ACKR3: variants seen among roughly 807,000 people sequenced by gnomAD.
The protein encoded by ACKR3 is C-X-C chemokine receptor type 7.
Under a neutral mutation model 22.4 loss-of-function variants are expected in ACKR3, and 6 were observed. The ratio of observed to expected loss-of-function variants is 0.27; its 90% CI spans 0.15 to 0.53. The LOEUF is 0.53. Ranked by LOEUF, ACKR3 falls within the 20% of genes least tolerant of loss-of-function variation. ACKR3 has a pLI of 0.96. For missense variants in ACKR3, 396 were observed against 475.2 expected (o/e 0.83, Z 1.55); for synonymous variants, 209 against 205.2 (o/e 1.02, Z -0.16).
chr2:236,565,307 C>G (rs1669773), upstream of ACKR3, among the ~76,000 whole-genome samples: 9,601 of 152,168 alleles, frequency 0.063, 382 homozygotes, highest in Non-Finnish European at 0.1. Flanking sequence ...TTAAAATATG[C>G]GATTCCAGCG....
At chr2:236,548,229 A>AT in the ACKR3 span, among the ~76,000 whole-genome samples, 7 of 151,758 alleles carry the variant, frequency 4.6e-5, no homozygotes, top group African/African-American at 1.7e-4. This position sits in a 1 kb window ranked among gnomAD's most constrained non-coding sequence, Gnocchi z 4.3. Context: ...TTATGATTTA[A>AT]TTTTTTTTCT....
intron 1 of ACKR3, among the ~76,000 whole-genome samples, chr2:236,579,634 G>A (rs1691479936): frequency 6.6e-6 from 1 of 152,190 alleles, no homozygotes; most frequent in East Asian, 1.9e-4. Context: ...GGTGATTTTT[G>A]TGTTTTGAGT....
the ACKR3 span, among the ~76,000 whole-genome samples, chr2:236,555,156 G>A: frequency 6.6e-6 from 1 of 151,874 alleles, no homozygotes; most frequent in Admixed American, 6.6e-5. Context: ...GAAATAATGA[G>A]GTCTCACCTG....
At chr2:236,573,893 C>G (rs1234768640) in intron 1 of ACKR3, among the ~76,000 whole-genome samples, 1 of 152,232 alleles carries the variant, frequency 6.6e-6, no homozygotes, top group Non-Finnish European at 1.5e-5. Flanking sequence ...CCTCCATTTG[C>G]TCTTCGTGGA....
chr2:236,562,147 G>C, the ACKR3 span, among the ~76,000 whole-genome samples: 1 of 152,156 alleles, frequency 6.6e-6, no homozygotes, highest in African/African-American at 2.4e-5. Context: ...TATCAAATTG[G>C]GGAAGTAAGT....
the ACKR3 span, among the ~76,000 whole-genome samples, chr2:236,554,481 G>A: frequency 6.6e-6 from 1 of 152,154 alleles, no homozygotes; most frequent in Admixed American, 6.5e-5. Context: ...AGCAGACATA[G>A]GAGCAGTCAT....
chr2:236,566,403 C>T (rs1691180916), upstream of ACKR3, among the ~76,000 whole-genome samples: 1 of 152,184 alleles, frequency 6.6e-6, no homozygotes, highest in East Asian at 1.9e-4. Context: ...TTAGGTGCCA[C>T]CAAACACATT....
intron 1 of ACKR3, 72 bp from the exon 2 acceptor site, chr2:236,580,368 C>G: frequency 6.6e-7 from 1 of 1,514,012 alleles, no homozygotes; most frequent in East Asian, 2.3e-5. Context: ...GCATTTTTGC[C>G]TGAAACTTGA....
At chr2:236,545,687 C>T in the ACKR3 span, among the ~76,000 whole-genome samples, 3 of 152,202 alleles carry the variant, frequency 2.0e-5, no homozygotes, top group Non-Finnish European at 4.4e-5. The surrounding 1 kb of genome is among the most constrained non-coding windows in gnomAD (Gnocchi z 5.3). Flanking sequence ...ACTACGATTT[C>T]ATGGTATATG....
the ACKR3 span, among the ~76,000 whole-genome samples, chr2:236,551,923 T>C: frequency 1.3e-5 from 2 of 152,136 alleles, no homozygotes; most frequent in African/African-American, 4.8e-5. Flanking sequence ...AGCCACGGCC[T>C]CTGCTCAGAG....
the ACKR3 span, among the ~76,000 whole-genome samples, chr2:236,559,477 T>C: frequency 3.3e-5 from 5 of 152,232 alleles, no homozygotes; most frequent in African/African-American, 9.6e-5. Flanking sequence ...AGTTGGTACA[T>C]AGCCTTTCTT....
At chr2:236,556,408 G>A in the ACKR3 span, among the ~76,000 whole-genome samples, 1 of 152,110 alleles carries the variant, frequency 6.6e-6, no homozygotes, top group Non-Finnish European at 1.5e-5. Context: ...TCAGGGTCTT[G>A]AGATGGGAGA....
chr2:236,580,933 G>A lies in ACKR3; in HGVS notation c.468G>A (p.Arg156=), dbSNP rs765963273. ...ACTTCACCAACACCCCCAGCAGCAG[G>A]AAGAAGATGGTACGCCGTGTCGTCT... ...ITYFTNTPSS[R]KKMVRRVVCI... The change falls in exon 2 of 2, where the codon AGG becomes AGA. Residue 156 remains arginine, a synonymous_variant. Transcript: ENST00000272928. 88 of 1,614,080 alleles carry A rather than the reference G, an allele frequency of 5.5e-5. 1 individual carries two copies. In the East Asian group the frequency reaches 1.9e-3, roughly 34 times the overall value.
At chr2:236,545,471 G>A in the ACKR3 span, among the ~76,000 whole-genome samples, 1 of 152,246 alleles carries the variant, frequency 6.6e-6, no homozygotes, top group Non-Finnish European at 1.5e-5. This position sits in a 1 kb window ranked among gnomAD's most constrained non-coding sequence, Gnocchi z 5.3. Context: ...CTGTAGGAAA[G>A]ACACATGCTA....
the ACKR3 span, among the ~76,000 whole-genome samples, chr2:236,553,957 T>C: frequency 1.3e-5 from 2 of 152,226 alleles, no homozygotes; most frequent in African/African-American, 4.8e-5. Flanking sequence ...TTCAGAAAAT[T>C]GTTTCCCACC....
chr2:236,565,186 G>A (rs552670382), upstream of ACKR3, among the ~76,000 whole-genome samples: 4 of 152,006 alleles, frequency 2.6e-5, no homozygotes, highest in South Asian at 2.1e-4. Flanking sequence ...GCATCCTCTC[G>A]TTTAATCCTG....
chr2:236,544,175 A>C, the ACKR3 span, among the ~76,000 whole-genome samples: 9 of 151,316 alleles, frequency 5.9e-5, no homozygotes, highest in African/African-American at 2.2e-4. This position sits in a 1 kb window ranked among gnomAD's most constrained non-coding sequence, Gnocchi z 5.0. Context: ...TTTTTAGTAG[A>C]GATGGGGTTT....
chr2:236,552,164 C>G, the ACKR3 span, among the ~76,000 whole-genome samples: 1 of 152,134 alleles, frequency 6.6e-6, no homozygotes, highest in Non-Finnish European at 1.5e-5. Flanking sequence ...TGGTGCTGGT[C>G]TTTTAAGATG....
chr2:236,575,649 T>A (rs1333734552), intron 1 of ACKR3, among the ~76,000 whole-genome samples: 3 of 114,258 alleles, frequency 2.6e-5, no homozygotes, highest in Non-Finnish European at 5.5e-5. Context: ...TGTGCGTGTC[T>A]GGGGTTGTGC....
Sources: gnomAD v4.1 joint callset for allele counts (sites outside exome capture counted in the v4.1 genomes callset) on GRCh38, gnomAD v4.1.1 for gene constraint, Gnocchi (gnomAD v3.1) non-coding constraint, MANE v1.5 for transcripts, NCBI Gene and HGNC (gene_info 2026-07-23, HGNC 2026-07-21) for gene names.